TYW1B: variants seen among roughly 807,000 people sequenced by gnomAD.
TYW1B encodes tRNA-yW synthesizing protein 1 homolog B.
A neutral mutation model predicts 86.9 loss-of-function variants in TYW1B; 73 were observed. The ratio of observed to expected loss-of-function variants is 0.84; its 90% CI spans 0.70 to 1.02. The LOEUF is 1.02. TYW1B is among the 50% of genes least tolerant of loss of function. The pLI is 0.00. For synonymous variants in TYW1B, 248 were observed against 292.8 expected (o/e 0.85, Z 1.56); for missense variants, 637 against 827.4 (o/e 0.77, Z 2.82).
Position 72,621,016 on chromosome 7 carries a change from G to T in TYW1B, c.1618-4177C>A, listed in dbSNP as rs1217070335. Among the ~76,000 whole-genome samples, 5 of 152,166 alleles carry T rather than the reference G, an allele frequency of 3.3e-5. 1 individual carries two copies. The highest frequency in any genetic ancestry group is 1.2e-4 in the African/African-American group (5 of 41,434). ...GGTAGCTTTTGGACCCACCCCCACT[G>T]CCCTAGGAGATGGGGGCTGCCATAC... On this transcript the variant is annotated intron_variant, in intron 12 of 13. Coordinates refer to ENST00000620995, the MANE Select transcript of TYW1B (RefSeq NM_001145440.3).
intron 11 of TYW1B, among the ~76,000 whole-genome samples, chr7:72,658,837 CGGCCTCCCAAGCA>C (rs1426349092): frequency 2.0e-5 from 3 of 152,126 alleles, no homozygotes; most frequent in African/African-American, 7.2e-5. Context: ...TCTCCTGTCT[CGGCCTCCCAAGCA>C]GCTTGGATTA....
At position 72,721,685 on chromosome 7, in the gene TYW1B, G is replaced by T. The variant is rs1210657960; in HGVS notation, c.1192+7137C>A. Among the ~76,000 whole-genome samples, 4 of 151,910 alleles carry T rather than the reference G, an allele frequency of 2.6e-5. No homozygotes were observed. In the East Asian group the frequency reaches 7.7e-4, roughly 29 times the overall value. ...ACACGCACATGCACACACACGATCT[G>T]TTCTCTTCATGGTGCCCAAATCTTA... On this transcript the variant is annotated intron_variant, in intron 9 of 13. Transcript: ENST00000620995.
chr7:72,588,250 C>T (rs553857732), intron 13 of TYW1B, among the ~76,000 whole-genome samples: 25 of 152,306 alleles, frequency 1.6e-4, no homozygotes, highest in Admixed American at 6.5e-4. Flanking sequence ...TATCTGGAAA[C>T]TCATTTTCTG....
At chr7:72,743,218 C>T (rs1787334947) in intron 8 of TYW1B, among the ~76,000 whole-genome samples, 2 of 152,124 alleles carry the variant, frequency 1.3e-5, no homozygotes, top group South Asian at 4.1e-4. Context: ...AAATGGTTTA[C>T]TTCTCCTACC....
chr7:72,661,216 T>C (rs1813321486), intron 11 of TYW1B, among the ~76,000 whole-genome samples: 1 of 52,204 alleles, frequency 1.9e-5, no homozygotes, highest in Non-Finnish European at 4.7e-5. Context: ...TGCTGAATTC[T>C]AGGGAGGTCT....
chr7:72,826,834 A>T, intron 2 of TYW1B, 21 bp downstream of exon 2: 1 of 1,593,848 alleles, frequency 6.3e-7, no homozygotes, highest in East Asian at 2.3e-5. Flanking sequence ...ATACTCTATT[A>T]AAAAAAATAA....
intron 11 of TYW1B, among the ~76,000 whole-genome samples, chr7:72,636,421 T>C (rs1342376282): frequency 3.3e-5 from 5 of 152,200 alleles, no homozygotes; most frequent in African/African-American, 1.2e-4. Context: ...CATAACTTTT[T>C]CCCCTTTTTC....
At chr7:72,586,766 T>C (rs1811287871) in intron 13 of TYW1B, among the ~76,000 whole-genome samples, 1 of 150,818 alleles carries the variant, frequency 6.6e-6, no homozygotes, top group Admixed American at 6.6e-5. Flanking sequence ...ATAATAATAA[T>C]AGAATAGCTG....
chr7:72,785,646 G>T (rs1272532843), intron 6 of TYW1B, among the ~76,000 whole-genome samples: 1 of 152,032 alleles, frequency 6.6e-6, no homozygotes, highest in Non-Finnish European at 1.5e-5. Context: ...CTCCATGAAA[G>T]TTAGTGAATA....
At chr7:72,747,439 C>T (rs35835479) in intron 7 of TYW1B, among the ~76,000 whole-genome samples, 104,939 of 152,028 alleles carry the variant, frequency 0.69, 37,187 homozygotes, top group Non-Finnish European at 0.77. Flanking sequence ...AGCATGAAAA[C>T]GGACTAATAC....
At chr7:72,617,680 T>C (rs1226701503) in intron 12 of TYW1B, among the ~76,000 whole-genome samples, 1 of 152,218 alleles carries the variant, frequency 6.6e-6, no homozygotes, top group Non-Finnish European at 1.5e-5. Flanking sequence ...AATTATTCTT[T>C]AAGGAGTTCA....
At chr7:72,720,923 G>A (rs1319216925) in intron 9 of TYW1B, among the ~76,000 whole-genome samples, 7 of 96,014 alleles carry the variant, frequency 7.3e-5, no homozygotes, top group Admixed American at 1.6e-4. Flanking sequence ...GACAGGCCCC[G>A]ATGTGTGATG....
intron 11 of TYW1B, among the ~76,000 whole-genome samples, chr7:72,670,810 A>G (rs1813582570): frequency 6.6e-6 from 1 of 152,250 alleles, no homozygotes; most frequent in Non-Finnish European, 1.5e-5. Flanking sequence ...ATGGTGCTCA[A>G]ACAACATATT....
intron 6 of TYW1B, among the ~76,000 whole-genome samples, chr7:72,793,191 G>A (rs1788248549): frequency 6.6e-6 from 1 of 151,938 alleles, no homozygotes; most frequent in Non-Finnish European, 1.5e-5. Context: ...AAATACAATA[G>A]CCAGGTGTGG....
At chr7:72,590,604 G>C (rs1196364121) in intron 13 of TYW1B, among the ~76,000 whole-genome samples, 1 of 152,200 alleles carries the variant, frequency 6.6e-6, no homozygotes, top group Non-Finnish European at 1.5e-5. Flanking sequence ...TCTTCAAAGA[G>C]AACTGAAAAG....
At chr7:72,709,600 G>A (rs1375203414) in intron 10 of TYW1B, among the ~76,000 whole-genome samples, 7 of 152,132 alleles carry the variant, frequency 4.6e-5, no homozygotes, top group Non-Finnish European at 7.4e-5. Context: ...CCCTGGAGGC[G>A]GAGCTTGTAG....
chr7:72,675,641 T>C (rs1813719763), intron 11 of TYW1B, among the ~76,000 whole-genome samples: 1 of 151,184 alleles, frequency 6.6e-6, no homozygotes, highest in Non-Finnish European at 1.5e-5. Context: ...TACTAATATA[T>C]GGTATGTGGA....
At chr7:72,822,899 C>T (rs1255495819) in intron 2 of TYW1B, 1 of 152,352 alleles carries the variant, frequency 6.6e-6, no homozygotes, top group Non-Finnish European at 1.5e-5. Flanking sequence ...GAGGGTGGGT[C>T]AGGAGAATTG....
chr7:72,622,314 T>C (rs1235584942), intron 12 of TYW1B, among the ~76,000 whole-genome samples: 10 of 152,230 alleles, frequency 6.6e-5, no homozygotes, highest in African/African-American at 2.4e-4. Context: ...ACCGATATGA[T>C]AAAGCAGTAG....
Sources: allele counts gnomAD v4.1 joint callset (sites outside exome capture counted in the v4.1 genomes callset), GRCh38; gene constraint gnomAD v4.1.1; transcripts MANE v1.5; gene names NCBI Gene and HGNC (gene_info 2026-07-23, HGNC 2026-07-21).